KCNV1: variants seen among roughly 807,000 people sequenced by gnomAD.
KCNV1 encodes potassium voltage-gated channel subfamily V member 1.
In KCNV1, 2 loss-of-function variants were observed where a neutral mutation model predicts 36.4. The ratio of observed to expected loss-of-function variants is 0.05; its 90% CI spans 0.02 to 0.17. KCNV1 has a LOEUF of 0.17. Ranked by LOEUF, KCNV1 falls within the 10% of genes least tolerant of loss-of-function variation. KCNV1 has a pLI of 1.00. For missense variants in KCNV1, 321 were observed against 643.6 expected (o/e 0.50, Z 5.42); for synonymous variants, 280 against 261.1 (o/e 1.07, Z -0.70).
At position 109,972,564 on chromosome 8, in the gene KCNV1, G is replaced by A. The variant is rs1199054453; in HGVS notation, c.685C>T (p.Leu229=). The change falls in exon 3 of 4, where the codon CTG becomes TTG. Residue 229 remains leucine (L), a synonymous_variant. Coordinates refer to ENST00000524391, the MANE Select transcript of KCNV1 (RefSeq NM_014379.4). This position sits in a 1 kb window ranked among gnomAD's most constrained non-coding sequence, Gnocchi z 5.2. ...AGCCAGCTTAACTCAGCTGACATCA[G>A]GGCCATGTTAATGATGGACACCACC... ...FVVVSIINMA[L]MSAELSWLDL... The A allele has an allele frequency of 3.1e-6, 5 of 1,614,204 alleles. No homozygotes were observed. The East Asian group carries it at 8.9e-5, about 29-fold the overall frequency.
rs1312720059 is a variant in KCNV1 at position 109,975,080 on chromosome 8, G to C, written c.-692C>G. On this transcript the variant is annotated 5_prime_UTR_variant, in exon 2 of 4. Coordinates refer to ENST00000524391, the MANE Select transcript of KCNV1 (RefSeq NM_014379.4). ...TCGCTGGGGGTGTGAGCAGGTGGGGGAGGGTTCTCTGGGTGAGGGGGCCGC... is the reference window on the plus strand; with the variant it reads ...TCGCTGGGGGTGTGAGCAGGTGGGGCAGGGTTCTCTGGGTGAGGGGGCCGC... 1 of 152,332 alleles carries C rather than the reference G, an allele frequency of 6.6e-6. No homozygotes were observed. Among genetic ancestry groups the C allele is most frequent in the Non-Finnish European group, 1.5e-5 (1 of 68,220 alleles). 9.4% of individuals were successfully genotyped at this position (152,332 alleles called of 1,614,324 possible).
rs1030181378 is a variant in KCNV1 at position 109,974,698 on chromosome 8, C to T, written c.-310G>A. On this transcript the variant is annotated 5_prime_UTR_variant, in exon 2 of 4. Transcript: ENST00000524391. The surrounding 1 kb of genome is among the most constrained non-coding windows in gnomAD (Gnocchi z 6.2). ...CCGACACAGTCCCTGTGCACACTGCCGGTCGCCCTGGCCCTTCCCAAACGT... is the reference window on the plus strand; with the variant it reads ...CCGACACAGTCCCTGTGCACACTGCTGGTCGCCCTGGCCCTTCCCAAACGT... The T allele has an allele frequency of 4.9e-6, 2 of 407,772 alleles. No individual in the cohort carries two copies. Among genetic ancestry groups the T allele is most frequent in the Non-Finnish European group, 8.8e-6 (2 of 227,222 alleles). 25.3% of individuals were successfully genotyped at this position (407,772 alleles called of 1,614,324 possible).
rs573851510 is a variant in KCNV1 at position 109,973,852 on chromosome 8, C to T, written c.461+76G>A. ...CTCCAGCGAAGCTTGTGTAAAGCCT[C>T]AAATCTACCTGTGCCTTCCTCTCTT... On this transcript the variant is annotated intron_variant, in intron 2 of 3. Coordinates refer to ENST00000524391, the MANE Select transcript of KCNV1 (RefSeq NM_014379.4). 139 of 1,124,992 alleles carry T rather than the reference C, an allele frequency of 1.2e-4. 2 individuals are homozygous for T. Among genetic ancestry groups the T allele is most frequent in the South Asian group, 1.0e-3 (67 of 66,250 alleles). The allele number at this position is 1,124,992 out of a possible 1,614,324, so 69.7% of individuals were successfully genotyped here.
rs1820019639 is a variant in KCNV1, at chr8:109,972,182, T to C, written c.991+76A>G. 1.3e-5 allele frequency: 18 copies of C among 1,421,148 alleles called. No individual in the cohort carries two copies. The South Asian group carries it at 2.2e-4, about 17-fold the overall frequency. 88.0% of individuals were successfully genotyped at this position (1,421,148 alleles called of 1,614,324 possible). A position where few individuals can be genotyped will look rare whatever the true frequency, so the allele number is the denominator to read the frequency against. On this transcript the variant is annotated intron_variant, in intron 3 of 3. Transcript: ENST00000524391. This position sits in a 1 kb window ranked among gnomAD's most constrained non-coding sequence, Gnocchi z 5.2. ...ATTTTGAATATCAGTTCAGCGTTAC[T>C]TTCCTTGTACTGTGGTCAAAAAACG...
chr8:109,975,527 G>C (rs531694838), intron 1 of KCNV1, 92 bp downstream of exon 1: 1 of 151,840 alleles, frequency 6.6e-6, no homozygotes, highest in South Asian at 2.1e-4. Flanking sequence ...GACTAGAAGT[G>C]TACCCACGGG....
At chr8:109,973,124 C>T (rs1397648639) in intron 2 of KCNV1, among the ~76,000 whole-genome samples, 2 of 151,674 alleles carry the variant, frequency 1.3e-5, no homozygotes, top group East Asian at 1.9e-4. Context: ...ATTACAGGTA[C>T]GCACCACCAG....
At position 109,972,249 on chromosome 8, in the gene KCNV1, T is replaced by C. The variant is rs1014006283; in HGVS notation, c.991+9A>G. On this transcript the variant is annotated intron_variant, in intron 3 of 3. Coordinates refer to ENST00000524391, the MANE Select transcript of KCNV1 (RefSeq NM_014379.4). This position sits in a 1 kb window ranked among gnomAD's most constrained non-coding sequence, Gnocchi z 5.2. ...GGCAAATTAAAAGGCATCAGTGAAA[T>C]GTGAATACCTGTGGAATGTCTGCCC... The C allele has an allele frequency of 7.1e-6, 11 of 1,558,040 alleles. No homozygotes were observed. The highest frequency in any genetic ancestry group is 9.5e-6 in the Non-Finnish European group (11 of 1,154,914).
At position 109,972,867 on chromosome 8, in the gene KCNV1, G is replaced by A; in HGVS notation, c.462-80C>T. 8.6e-7 allele frequency: 1 copy of A among 1,168,224 alleles called. No homozygotes were observed. 72.4% of individuals were successfully genotyped at this position (1,168,224 alleles called of 1,614,324 possible). On this transcript the variant is annotated intron_variant, in intron 2 of 3. Coordinates refer to ENST00000524391, the MANE Select transcript of KCNV1 (RefSeq NM_014379.4). The surrounding 1 kb of genome is among the most constrained non-coding windows in gnomAD (Gnocchi z 5.2). ...TAAGATAATTAAACATGGCAGGGAG[G>A]TCAGACTTTTTCATTCAACAAAATG...
chr8:109,970,078 T>G (rs556188363), intron 3 of KCNV1, among the ~76,000 whole-genome samples: 24 of 152,314 alleles, frequency 1.6e-4, no homozygotes, highest in African/African-American at 5.8e-4. Flanking sequence ...TCAAAGGCAT[T>G]AGCATACTAA....
rs1424982631 is a variant in KCNV1 at position 109,964,368 on chromosome 8, A to C, written c.*3720T>G. ...AAAAAAAGCAGATGCTGGCGAAGTT[A>C]TGGAGCAATTGGAACGCATATACAC... On this transcript the variant is annotated 3_prime_UTR_variant, in exon 4 of 4. Coordinates refer to ENST00000524391, the MANE Select transcript of KCNV1 (RefSeq NM_014379.4). 6.6e-6 allele frequency: 1 copy of C among 151,902 alleles called. No individual in the cohort carries two copies. Among genetic ancestry groups the C allele is most frequent in the East Asian group, 1.9e-4 (1 of 5,190 alleles). 9.4% of individuals were successfully genotyped at this position (151,902 alleles called of 1,614,324 possible).
Position 109,966,198 on chromosome 8 carries a change from T to C in KCNV1, c.*1890A>G, listed in dbSNP as rs1242910716. On this transcript the variant is annotated 3_prime_UTR_variant, in exon 4 of 4. Transcript: ENST00000524391. The stretch of plus-strand genomic sequence containing the variant: ...AATACATGATGAATACAGAGCATAG[T>C]CCTGGATCAGAGTAACTATTCTTAT... 1 of 152,170 alleles carries C rather than the reference T, an allele frequency of 6.6e-6. No homozygotes were observed. Among genetic ancestry groups the C allele is most frequent in the African/African-American group, 2.4e-5 (1 of 41,428 alleles). 9.4% of individuals were successfully genotyped at this position (152,170 alleles called of 1,614,324 possible). A position where few individuals can be genotyped will look rare whatever the true frequency, so the allele number is the denominator to read the frequency against.
At position 109,968,634 on chromosome 8, in the gene KCNV1, C is replaced by T. The variant is rs1246141835; in HGVS notation, c.992-35G>A. ...AACAAATGCTGTCAGTCATTGGCAT[C>T]CCTCTTCTCTCTCTTCCTTCCCTCC... On this transcript the variant is annotated intron_variant, in intron 3 of 3. Transcript: ENST00000524391. The surrounding 1 kb of genome is among the most constrained non-coding windows in gnomAD (Gnocchi z 5.3). 3 of 1,549,512 alleles carry T rather than the reference C, an allele frequency of 1.9e-6. No individual in the cohort carries two copies. Among genetic ancestry groups the T allele is most frequent in the African/African-American group, 2.7e-5 (2 of 73,446 alleles).
rs574203182 is a variant in KCNV1, at chr8:109,968,722, C to T, written c.992-123G>A. 58 of 933,370 alleles carry T rather than the reference C, an allele frequency of 6.2e-5. No homozygotes were observed. In the African/African-American group the frequency reaches 8.0e-4, roughly 13 times the overall value. The allele number at this position is 933,370 out of a possible 1,614,324, so 57.8% of individuals were successfully genotyped here. A position where few individuals can be genotyped will look rare whatever the true frequency, so the allele number is the denominator to read the frequency against. ...GCACTGCACACTTAAATGTCCCCAG[C>T]ACTGGGCAATGTTCTGGGGATACAA... is the stretch of plus-strand genomic sequence containing the variant. On this transcript the variant is annotated intron_variant, in intron 3 of 3. Coordinates refer to ENST00000524391, the MANE Select transcript of KCNV1 (RefSeq NM_014379.4). The surrounding 1 kb of genome is among the most constrained non-coding windows in gnomAD (Gnocchi z 5.3).
Position 109,972,978 on chromosome 8 carries a change from C to A in KCNV1, c.462-191G>T, listed in dbSNP as rs1587137630. Among the ~76,000 whole-genome samples the A allele has an allele frequency of 7.4e-6, 1 of 134,282 alleles. No homozygotes were observed. The highest frequency in any genetic ancestry group is 3.3e-5 in the African/African-American group (1 of 30,640). The allele number at this position is 134,282 out of a possible 152,430, so 88.1% of individuals were successfully genotyped here. A position where few individuals can be genotyped will look rare whatever the true frequency, so the allele number is the denominator to read the frequency against. On this transcript the variant is annotated intron_variant, in intron 2 of 3. Transcript: ENST00000524391. This position sits in a 1 kb window ranked among gnomAD's most constrained non-coding sequence, Gnocchi z 5.2. ...CTCCCTTAGAATTATGATTATTTTTCCTTTTTTTTTTTTTTTTGAGACGGA... is the reference window on the plus strand; with the variant it reads ...CTCCCTTAGAATTATGATTATTTTTACTTTTTTTTTTTTTTTTGAGACGGA...
At chr8:109,969,680 A>G (rs550158253) in intron 3 of KCNV1, among the ~76,000 whole-genome samples, 5 of 152,086 alleles carry the variant, frequency 3.3e-5, no homozygotes, top group African/African-American at 7.2e-5. Flanking sequence ...CCCTATCCCT[A>G]CTAAAAATAG....
chr8:109,973,028 A>G (rs979403151), intron 2 of KCNV1, among the ~76,000 whole-genome samples: 2 of 143,398 alleles, frequency 1.4e-5, no homozygotes, highest in Non-Finnish European at 1.5e-5. Flanking sequence ...CCCAGGCTGG[A>G]GTGCAGCGGA....
At position 109,968,385 on chromosome 8, in the gene KCNV1, G is replaced by T; in HGVS notation, c.1206C>A (p.Thr402=). The T allele has an allele frequency of 6.2e-7, 1 of 1,614,166 alleles. No individual in the cohort carries two copies. Among genetic ancestry groups the T allele is most frequent in the Non-Finnish European group, 8.5e-7 (1 of 1,180,044 alleles). ...TVGYGDIRPD[T]TTGKIVAFMC... is the part of the protein sequence containing the mutation. ...TGAAGGCCACGATTTTGCCTGTGGT[G>T]GTGTCTGGTCTAATGTCCCCATATC... is the stretch of plus-strand genomic sequence containing the variant. The change falls in exon 4 of 4, where the codon ACC becomes ACA. Residue 402 remains threonine, a synonymous_variant. Transcript: ENST00000524391. This position sits in a 1 kb window ranked among gnomAD's most constrained non-coding sequence, Gnocchi z 5.3.
rs1360726018 is a variant in KCNV1 at position 109,966,777 on chromosome 8, T to TC, written c.*1310dup. On this transcript the variant is annotated 3_prime_UTR_variant, in exon 4 of 4. Coordinates refer to ENST00000524391, the MANE Select transcript of KCNV1 (RefSeq NM_014379.4). ...TGGCAAAGAGCCTTCTAGGCTTTTT[T>TC]CCCTAACATCTCACCCCCATGAAAT... 1 of 152,208 alleles carries TC rather than the reference T, an allele frequency of 6.6e-6. No individual in the cohort carries two copies. Among genetic ancestry groups the TC allele is most frequent in the African/African-American group, 2.4e-5 (1 of 41,462 alleles). 9.4% of individuals were successfully genotyped at this position (152,208 alleles called of 1,614,324 possible). A position where few individuals can be genotyped will look rare whatever the true frequency, so the allele number is the denominator to read the frequency against.
chr8:109,968,369 C>T lies in KCNV1; in HGVS notation c.1222G>A (p.Val408Met). 6.2e-7 allele frequency: 1 copy of T among 1,614,150 alleles called. No individual in the cohort carries two copies. Among genetic ancestry groups the T allele is most frequent in the Non-Finnish European group, 8.5e-7 (1 of 1,180,044 alleles). ...CCCGATAATATACACATGAAGGCCA[C>T]GATTTTGCCTGTGGTGGTGTCTGGT... ...IRPDTTTGKI[V>M]AFMCILSGIL... is the part of the protein sequence containing the mutation. Residue 408 changes from valine (V) to methionine (M), a missense_variant, in exon 4 of 4, where the codon GTG becomes ATG. By Grantham distance (21) the Val-to-Met change is conservative. Transcript: ENST00000524391. This position sits in a 1 kb window ranked among gnomAD's most constrained non-coding sequence, Gnocchi z 5.3.
Sources: allele counts gnomAD v4.1 joint callset (sites outside exome capture counted in the v4.1 genomes callset), GRCh38; gene constraint gnomAD v4.1.1; non-coding constraint Gnocchi (gnomAD v3.1); transcripts MANE v1.5; gene names NCBI Gene and HGNC (gene_info 2026-07-23, HGNC 2026-07-21).